Variants in PRDM15 observed in about 807,000 individuals in gnomAD.
The protein encoded by PRDM15 is PR/SET domain 15.
A neutral mutation model predicts 128.6 loss-of-function variants in PRDM15; 64 were observed. The observed-to-expected ratio is 0.50, with a 90% CI of 0.41 to 0.61. PRDM15 has a LOEUF of 0.61. Among genes scored for constraint, PRDM15 ranks in the 20% least tolerant of loss-of-function variants. The pLI, the probability that PRDM15 is intolerant of heterozygous loss-of-function variation, is 0.00. For missense variants in PRDM15, 1,242 were observed against 1,569.1 expected (o/e 0.79, Z 3.52); for synonymous variants, 615 against 621.8 (o/e 0.99, Z 0.16).
At chr21:41,813,152 C>T (rs962494903) in intron 19 of PRDM15, 3 of 152,102 alleles carry the variant, frequency 2.0e-5, no homozygotes, top group Non-Finnish European at 4.4e-5. Flanking sequence ...AAAGGTTGCC[C>T]CTCAAAATGG....
At chr21:41,817,149 C>G (rs1209517017) in intron 18 of PRDM15, among the ~76,000 whole-genome samples, 4 of 152,196 alleles carry the variant, frequency 2.6e-5, no homozygotes, top group Non-Finnish European at 4.4e-5. Context: ...AACTGCCAGA[C>G]AGAGGAAATT....
chr21:41,850,311 C>CTA (rs1568983437), intron 5 of PRDM15, among the ~76,000 whole-genome samples: 1 of 146,238 alleles, frequency 6.8e-6, no homozygotes. Flanking sequence ...TGGTGCCCCC[C>CTA]CAACACTCTC....
intron 7 of PRDM15, among the ~76,000 whole-genome samples, chr21:41,838,866 T>G (rs773000303): frequency 6.6e-6 from 1 of 152,206 alleles, no homozygotes; most frequent in Non-Finnish European, 1.5e-5. Flanking sequence ...TCCTTTTCAC[T>G]CTCATAAAAG....
At chr21:41,847,280 C>A in intron 5 of PRDM15, 89 bp from the exon 6 acceptor site, 1 of 889,518 alleles carries the variant, frequency 1.1e-6, no homozygotes, top group South Asian at 1.7e-5. Context: ...GGGGTGTGTG[C>A]TGAGAGGCGG....
intron 19 of PRDM15, chr21:41,812,586 G>A (rs1421267713): frequency 6.6e-6 from 1 of 152,236 alleles, no homozygotes; most frequent in Non-Finnish European, 1.5e-5. Context: ...GAGAGTCTGG[G>A]AAAGAAAACC....
At chr21:41,814,058 C>A (rs1303378834) in intron 19 of PRDM15, 6 of 143,478 alleles carry the variant, frequency 4.2e-5, no homozygotes, top group Non-Finnish European at 4.5e-5. Context: ...GCAGGGTGCT[C>A]TAGTGTGTTA....
rs1005798220 is a variant in PRDM15 at position 41,854,128 on chromosome 21, C to A, written c.538+438G>T. 6.6e-6 allele frequency among the ~76,000 whole-genome samples: 1 copy of A among 152,154 alleles called. No individual in the cohort carries two copies. Among genetic ancestry groups the A allele is most frequent in the Admixed American group, 6.5e-5 (1 of 15,284 alleles). ...ATTACTTTGTCTATGTTTACATAGA[C>A]AAATACTGACCATGTGTTACAGTTG... On this transcript the variant is annotated intron_variant, in intron 5 of 23. Transcript: ENST00000398548. This position sits in a 1 kb window ranked among gnomAD's most constrained non-coding sequence, Gnocchi z 4.6.
rs1419212173 is a variant in PRDM15 at position 41,859,666 on chromosome 21, C to G, written c.57G>C (p.Gln19His). ...IMFIWCEDCS[Q>H]YHDSECPELG... ...GCTCGGGACATTCGGAGTCGTGGTA[C>G]TGGCTGCAGTCTTCACACCCTGCAA... Residue 19 changes from glutamine (Q) to histidine (H), a missense_variant, in exon 3 of 24, where the codon CAG becomes CAC. Transcript: ENST00000398548. The surrounding 1 kb of genome is among the most constrained non-coding windows in gnomAD (Gnocchi z 5.3). The G allele has an allele frequency of 6.2e-7, 1 of 1,613,776 alleles. No homozygotes were observed. The highest frequency in any genetic ancestry group is 1.3e-5 in the African/African-American group (1 of 74,824).
At chr21:41,844,389 GAC>G (rs1242907573) in intron 6 of PRDM15, among the ~76,000 whole-genome samples, 1 of 147,382 alleles carries the variant, frequency 6.8e-6, no homozygotes, top group Non-Finnish European at 1.5e-5. Context: ...TCAGGGAGGT[GAC>G]ACAGCCCCTC....
Position 41,828,031 on chromosome 21 carries a change from G to T in PRDM15, c.1534+135C>A. On this transcript the variant is annotated intron_variant, in intron 12 of 23. Coordinates refer to ENST00000398548, the MANE Select transcript of PRDM15 (RefSeq NM_001040424.3). This position sits in a 1 kb window ranked among gnomAD's most constrained non-coding sequence, Gnocchi z 5.7. ...CAGAAGAGGATGAGCCCATCGGATGGCGGGCGTTTCCAGGCAAAGGAGCAG... is the reference window on the plus strand; with the variant it reads ...CAGAAGAGGATGAGCCCATCGGATGTCGGGCGTTTCCAGGCAAAGGAGCAG... 1.2e-6 allele frequency: 1 copy of T among 803,204 alleles called. No individual in the cohort carries two copies. The highest frequency in any genetic ancestry group is 2.0e-6 in the Non-Finnish European group (1 of 501,270). 49.8% of individuals were successfully genotyped at this position (803,204 alleles called of 1,614,324 possible).
In PRDM15 at chr21:41,878,716, G is replaced by A. The variant is rs751954032; in HGVS notation, c.-10+554C>T. The A allele has an allele frequency of 7.0e-6, 11 of 1,573,040 alleles. No individual in the cohort carries two copies. In the South Asian group the frequency reaches 7.8e-5, roughly 11 times the overall value. ...TCACCAGGACTCAGCTTCTCTAAACGCGGGGTTGGGGGTCCAGGGACCCCC... is the reference window on the plus strand; with the variant it reads ...TCACCAGGACTCAGCTTCTCTAAACACGGGGTTGGGGGTCCAGGGACCCCC... On this transcript the variant is annotated intron_variant, in intron 1 of 23. Transcript: ENST00000398548.
At chr21:41,837,911 C>G in intron 8 of PRDM15, 23 bp downstream of exon 8, 1 of 1,613,960 alleles carries the variant, frequency 6.2e-7, no homozygotes. Flanking sequence ...ACAGGACGGC[C>G]CCAGGTGCCA....
chr21:41,838,875 A>T (rs1238001316), intron 7 of PRDM15, among the ~76,000 whole-genome samples: 1 of 152,264 alleles, frequency 6.6e-6, no homozygotes, highest in Non-Finnish European at 1.5e-5. Flanking sequence ...CTCTCATAAA[A>T]GAAATCCTGG....
chr21:41,852,720 C>T (rs1218782096), intron 5 of PRDM15, among the ~76,000 whole-genome samples: 1 of 152,202 alleles, frequency 6.6e-6, no homozygotes, highest in African/African-American at 2.4e-5. Context: ...AGCCGCCTGG[C>T]TCCTCACCAA....
chr21:41,811,105 C>G lies in PRDM15; in HGVS notation c.2393-269G>C. ...GAAAACACAGACAGAAAGTGGAACC[C>G]ACATGTGGACAAGCAGAAAAACGAT... On this transcript the variant is annotated intron_variant, in intron 19 of 23. Coordinates refer to ENST00000398548, the MANE Select transcript of PRDM15 (RefSeq NM_001040424.3). The surrounding 1 kb of genome is among the most constrained non-coding windows in gnomAD (Gnocchi z 4.1). 2.2e-6 allele frequency: 1 copy of G among 446,758 alleles called. No individual in the cohort carries two copies. The highest frequency in any genetic ancestry group is 4.1e-6 in the Non-Finnish European group (1 of 244,172). 27.7% of individuals were successfully genotyped at this position (446,758 alleles called of 1,614,324 possible).
intron 13 of PRDM15, among the ~76,000 whole-genome samples, chr21:41,824,883 A>G (rs761782970): frequency 5.6e-4 from 86 of 152,242 alleles, no homozygotes; most frequent in Non-Finnish European, 4.7e-4. Flanking sequence ...AAGCTCGGTG[A>G]TGGTGCTGCA....
chr21:41,861,834 A>G, intron 1 of PRDM15: 2 of 1,581,882 alleles, frequency 1.3e-6, no homozygotes, highest in Non-Finnish European at 1.7e-6. Context: ...AGAGAGTTCC[A>G]ATTTGCCCTT....
intron 1 of PRDM15, chr21:41,871,602 T>C (rs150880769): frequency 6.2e-7 from 1 of 1,610,450 alleles, no homozygotes; most frequent in Non-Finnish European, 8.5e-7. Flanking sequence ...TCACTGACCC[T>C]CTGGTTCCCA....
chr21:41,861,759 C>T, intron 1 of PRDM15: 1 of 1,612,694 alleles, frequency 6.2e-7, no homozygotes, highest in Non-Finnish European at 8.5e-7. Flanking sequence ...TGTCTGAGAG[C>T]AGTGCCGGGT....
Sources: allele counts gnomAD v4.1 joint callset (sites outside exome capture counted in the v4.1 genomes callset), GRCh38; gene constraint gnomAD v4.1.1; non-coding constraint Gnocchi (gnomAD v3.1); transcripts MANE v1.5; gene names NCBI Gene and HGNC (gene_info 2026-07-23, HGNC 2026-07-21).